ATP2A2: variants seen among roughly 807,000 people sequenced by gnomAD.
The protein encoded by ATP2A2 is ATPase sarcoplasmic/endoplasmic reticulum Ca2+ transporting 2.
ATP2A2 carries 14 observed loss-of-function variants against 109.3 expected under a neutral mutation model. That is an observed-to-expected ratio of 0.13 (90% CI 0.08 to 0.20). ATP2A2 has a LOEUF of 0.20. Ranked by LOEUF, ATP2A2 falls within the 10% of genes least tolerant of loss-of-function variation. The probability of loss-of-function intolerance (pLI) is 1.00; values close to 1 mark genes in which losing one functional copy is unlikely to be tolerated. For synonymous variants in ATP2A2, 506 were observed against 490.9 expected, an observed-to-expected ratio of 1.03 and a Z score of -0.41; for missense variants, 657 against 1,321.6, an observed-to-expected ratio of 0.50 and a Z score of 7.80.
At chr12:110,326,040 A>G (rs912647855) in intron 6 of ATP2A2, 3 of 324,826 alleles carry the variant, frequency 9.2e-6, no homozygotes, top group African/African-American at 6.4e-5. Context: ...AAAGTATACA[A>G]CAAATATATG....
At chr12:110,323,335 C>T (rs1877439481) in intron 6 of ATP2A2, among the ~76,000 whole-genome samples, 1 of 152,152 alleles carries the variant, frequency 6.6e-6, no homozygotes, top group Non-Finnish European at 1.5e-5. Context: ...CAGGCTCCTG[C>T]CACCATGCCC....
At chr12:110,332,487 G>A (rs747317005) in intron 8 of ATP2A2, 110 bp from the exon 9 acceptor site, 58 of 945,560 alleles carry the variant, frequency 6.1e-5, no homozygotes, top group Non-Finnish European at 9.2e-5. Context: ...AGTTGTTTTC[G>A]TAAATGAAAG....
At chr12:110,326,623 G>A in intron 7 of ATP2A2, 148 bp downstream of exon 7, 1 of 862,310 alleles carries the variant, frequency 1.2e-6, no homozygotes, top group South Asian at 1.5e-5. Flanking sequence ...GAATATGGCA[G>A]TAACATAACG....
At chr12:110,315,656 T>G (rs1876585321) in intron 5 of ATP2A2, among the ~76,000 whole-genome samples, 1 of 152,138 alleles carries the variant, frequency 6.6e-6, no homozygotes, top group Non-Finnish European at 1.5e-5. Flanking sequence ...AATTTTTATT[T>G]TTGGCCGGGT....
chr12:110,336,912 A>G (rs909493301), intron 11 of ATP2A2, among the ~76,000 whole-genome samples: 2 of 152,190 alleles, frequency 1.3e-5, no homozygotes, highest in Admixed American at 6.5e-5. Flanking sequence ...CCTGTGATCT[A>G]TTAGTTGGTG....
At chr12:110,345,011 T>C in intron 17 of ATP2A2, 40 bp downstream of exon 17, 1 of 1,599,086 alleles carries the variant, frequency 6.3e-7, no homozygotes, top group Non-Finnish European at 8.6e-7. Context: ...ACATGAGAAG[T>C]GTTGTGAGGC....
chr12:110,311,899 A>T (rs1265531861), intron 5 of ATP2A2, among the ~76,000 whole-genome samples: 1 of 151,270 alleles, frequency 6.6e-6, no homozygotes, highest in African/African-American at 2.4e-5. Flanking sequence ...AAACTTGCAT[A>T]GTGAGGCTGG....
chr12:110,281,775 C>A lies in ATP2A2; in HGVS notation c.-15C>A, dbSNP rs373966549. 3.4e-6 allele frequency: 5 copies of A among 1,485,860 alleles called. No individual in the cohort carries two copies. The highest frequency in any genetic ancestry group is 4.5e-6 in the Non-Finnish European group (5 of 1,113,190). The allele number at this position is 1,485,860 out of a possible 1,614,324, so 92.0% of individuals were successfully genotyped here. On this transcript the variant is annotated 5_prime_UTR_variant, in exon 1 of 20. Transcript: ENST00000539276. ...CGCGGGGACGGGAGGCGAGGCCGGC[C>A]GGGCCCCCGAAGCCATGGAGAACGC...
chr12:110,293,850 G>GTATATATATATATATATATATATA (rs1276415415), intron 4 of ATP2A2, among the ~76,000 whole-genome samples: 1 of 122,480 alleles, frequency 8.2e-6, no homozygotes, highest in Admixed American at 8.0e-5. Context: ...GTGTGTGTGT[G>GTATATATATATATATATATATATA]TGTGTGTGTG....
chr12:110,309,660 T>C (rs1332481135), intron 5 of ATP2A2, among the ~76,000 whole-genome samples: 1 of 151,990 alleles, frequency 6.6e-6, no homozygotes, highest in Non-Finnish European at 1.5e-5. Context: ...CTCAGCACTT[T>C]TGGGGGAGGC....
intron 5 of ATP2A2, among the ~76,000 whole-genome samples, chr12:110,302,584 CTATTATTATTAT>C (rs10568177): frequency 6.8e-6 from 1 of 146,496 alleles, no homozygotes; most frequent in Admixed American, 6.9e-5. Flanking sequence ...ATTTTTATTA[CTATTATTATTAT>C]TATTATTATT....
chr12:110,324,261 A>AT (rs1055481268), intron 6 of ATP2A2, among the ~76,000 whole-genome samples: 15 of 151,900 alleles, frequency 9.9e-5, no homozygotes, highest in Non-Finnish European at 2.1e-4. Flanking sequence ...ACCTGGCTCT[A>AT]TTTTTTTTGG....
chr12:110,338,549 C>G (rs775395143), intron 11 of ATP2A2, among the ~76,000 whole-genome samples: 1 of 152,188 alleles, frequency 6.6e-6, no homozygotes. Flanking sequence ...TCTCTGCCCC[C>G]CTGGCTTTAA....
Position 110,281,698 on chromosome 12 carries a change from T to C in ATP2A2, c.-92T>C, listed in dbSNP as rs1872101583. On this transcript the variant is annotated 5_prime_UTR_variant, in exon 1 of 20. Transcript: ENST00000539276. ...GGGGAGAGCCCGTCCGCGCCTGGGC[T>C]CCCGGGGTGGCACGAGCCCGCGGCC... The C allele has an allele frequency of 1.1e-6, 1 of 881,602 alleles. No individual in the cohort carries two copies. The highest frequency in any genetic ancestry group is 3.5e-5 in the East Asian group (1 of 28,910). The allele number at this position is 881,602 out of a possible 1,614,324, so 54.6% of individuals were successfully genotyped here.
chr12:110,343,138 A>AT, intron 15 of ATP2A2, 94 bp from the exon 16 acceptor site: 1 of 1,296,824 alleles, frequency 7.7e-7, no homozygotes, highest in South Asian at 1.2e-5. Context: ...GTTGTCATTT[A>AT]TTTTTCTGGA....
chr12:110,317,955 CTT>C (rs1876844451), intron 5 of ATP2A2, among the ~76,000 whole-genome samples: 1 of 152,156 alleles, frequency 6.6e-6, no homozygotes, highest in African/African-American at 2.4e-5. Context: ...AGAGTTTATT[CTT>C]TTATTGTACC....
At chr12:110,286,788 AC>A (rs1444332300) in intron 3 of ATP2A2, among the ~76,000 whole-genome samples, 1 of 151,052 alleles carries the variant, frequency 6.6e-6, no homozygotes, top group African/African-American at 2.4e-5. Context: ...TTCTGAGAAT[AC>A]TAGGAGCAAA....
At chr12:110,312,134 G>A (rs1181904613) in intron 5 of ATP2A2, among the ~76,000 whole-genome samples, 1 of 152,112 alleles carries the variant, frequency 6.6e-6, no homozygotes, top group East Asian at 1.9e-4. Context: ...AGCTCAGATC[G>A]TGCCAGTATG....
chr12:110,321,283 A>G (rs1364798148), intron 5 of ATP2A2, among the ~76,000 whole-genome samples: 1 of 152,158 alleles, frequency 6.6e-6, no homozygotes, highest in Non-Finnish European at 1.5e-5. Context: ...CAGGAGTGCT[A>G]TTTTGCCATT....
Sources: allele counts gnomAD v4.1 joint callset (sites outside exome capture counted in the v4.1 genomes callset), GRCh38; gene constraint gnomAD v4.1.1; transcripts MANE v1.5; gene names NCBI Gene and HGNC (gene_info 2026-07-23, HGNC 2026-07-21).